The following CSGALNACT2 variants were observed in gnomAD, a reference collection of about 807,000 sequenced individuals.
CSGALNACT2 encodes the protein chondroitin sulfate N-acetylgalactosaminyltransferase 2.
Under a neutral mutation model 55.3 loss-of-function variants are expected in CSGALNACT2, and 35 were observed. The ratio of observed to expected loss-of-function variants is 0.63; its 90% CI spans 0.48 to 0.84. The LOEUF (loss-of-function observed/expected upper bound fraction) is 0.84. Among genes scored for constraint, CSGALNACT2 ranks in the 40% least tolerant of loss-of-function variants. CSGALNACT2 has a pLI of 0.00. For synonymous variants in CSGALNACT2, 196 were observed against 224.9 expected (o/e 0.87, Z 1.15); for missense variants, 544 against 657.5 (o/e 0.83, Z 1.89).
Position 43,140,099 on chromosome 10 carries a change from C to T in CSGALNACT2, c.-254+1532C>T, listed in dbSNP as rs1312139941. ...AGCCCAGCTACTTGGGAGGCTGAGG[C>T]GGGAGGTGGAGGTTGCAGTGAGCCG... On this transcript the variant is annotated intron_variant, in intron 1 of 7. Coordinates refer to ENST00000374466, the MANE Select transcript of CSGALNACT2 (RefSeq NM_018590.5). Among the ~76,000 whole-genome samples, 9 of 151,976 alleles carry T rather than the reference C, an allele frequency of 5.9e-5. No homozygotes were observed. In the South Asian group the frequency reaches 1.2e-3, roughly 21 times the overall value.
rs74135470 is a variant in CSGALNACT2 at position 43,139,478 on chromosome 10, C to T, written c.-254+911C>T. ...ACAGTTCCAACCAGTTTAGAAGCTG[C>T]ATTTTTCTCTTTGTTTTTGTCGAGG... On this transcript the variant is annotated intron_variant, in intron 1 of 7. Coordinates refer to ENST00000374466, the MANE Select transcript of CSGALNACT2 (RefSeq NM_018590.5). Among the ~76,000 whole-genome samples the T allele has an allele frequency of 7.9e-3, 1,209 of 152,318 alleles. 4 individuals carry two copies. Among genetic ancestry groups the T allele is most frequent in the Middle Eastern group, 0.048 (14 of 294 alleles).
In CSGALNACT2 at chr10:43,158,808, G is replaced by A. The variant is rs767994553; in HGVS notation, c.755G>A (p.Arg252His). 1.6e-5 allele frequency: 26 copies of A among 1,610,736 alleles called. No individual in the cohort carries two copies. Among genetic ancestry groups the A allele is most frequent in the South Asian group, 4.4e-5 (4 of 91,014 alleles). ...GAATATAGACATGTGACCCTCTTCCGCCCTTTTGGACCTCTCATGAAAGTG... is the reference window on the plus strand; with the variant it reads ...GAATATAGACATGTGACCCTCTTCCACCCTTTTGGACCTCTCATGAAAGTG... ...LTEYRHVTLF[R>H]PFGPLMKVKS... is the part of the protein sequence containing the mutation. The change falls in exon 3 of 8, where the codon CGC becomes CAC. Residue 252 changes from arginine (R) to histidine (H), a missense_variant. Transcript: ENST00000374466.
intron 1 of CSGALNACT2, among the ~76,000 whole-genome samples, chr10:43,145,008 T>TC (rs1183765928): frequency 6.6e-6 from 1 of 152,232 alleles, no homozygotes; most frequent in Non-Finnish European, 1.5e-5. Flanking sequence ...TAAGCAGTGT[T>TC]CCATTGTGTA....
chr10:43,180,252 C>T (rs1564522324), intron 7 of CSGALNACT2, among the ~76,000 whole-genome samples: 1 of 152,186 alleles, frequency 6.6e-6, no homozygotes, highest in Non-Finnish European at 1.5e-5. Flanking sequence ...ACATATGTTA[C>T]ATCTTTTGTA....
chr10:43,160,453 C>T, intron 3 of CSGALNACT2, 41 bp from the exon 4 acceptor site: 1 of 1,017,006 alleles, frequency 9.8e-7, no homozygotes, highest in Non-Finnish European at 1.5e-6. Context: ...AATAGTGCCT[C>T]ATGTTTTCTT....
intron 5 of CSGALNACT2, 135 bp downstream of exon 5, chr10:43,164,179 A>G: frequency 1.5e-6 from 1 of 658,332 alleles, no homozygotes; most frequent in South Asian, 2.7e-5. Context: ...TATTAGGCAT[A>G]ATTTAACTGG....
rs1192833773 is a variant in CSGALNACT2, at chr10:43,167,110, A to G, written c.1254+12A>G. Reference sequence around the variant, plus strand: ...TGGAGCAGCAGCTGGTGAGACTTTCACATTTTCAGTTATGAAAGACTCTAA... The same window carrying G: ...TGGAGCAGCAGCTGGTGAGACTTTCGCATTTTCAGTTATGAAAGACTCTAA... On this transcript the variant is annotated intron_variant, in intron 6 of 7. Coordinates refer to ENST00000374466, the MANE Select transcript of CSGALNACT2 (RefSeq NM_018590.5). 1.3e-6 allele frequency: 2 copies of G among 1,546,342 alleles called. No individual in the cohort carries two copies. The highest frequency in any genetic ancestry group is 3.4e-5 in the Admixed American group (2 of 59,584).
chr10:43,157,548 T>C (rs1839041312), intron 2 of CSGALNACT2, among the ~76,000 whole-genome samples: 1 of 152,210 alleles, frequency 6.6e-6, no homozygotes, highest in African/African-American at 2.4e-5. Context: ...TTGTCACCTG[T>C]ACATTCATAC....
rs1464542984 is a variant in CSGALNACT2, at chr10:43,158,800, CCT to C, written c.750_751del (p.Phe251ProfsTer12). 1 of 1,610,636 alleles carries C rather than the reference CCT, an allele frequency of 6.2e-7. No homozygotes were observed. The highest frequency in any genetic ancestry group is 1.3e-5 in the African/African-American group (1 of 74,792). On this transcript the variant is annotated frameshift_variant, in exon 3 of 8. Coordinates refer to ENST00000374466, the MANE Select transcript of CSGALNACT2 (RefSeq NM_018590.5). LOFTEE classifies it high-confidence loss of function. Reference sequence around the variant, plus strand: ...ACCTTACGGAATATAGACATGTGACCCTCTTCCGCCCTTTTGGACCTCTCATG... The same window carrying C: ...ACCTTACGGAATATAGACATGTGACCCTTCCGCCCTTTTGGACCTCTCATG... The part of the protein sequence containing the change: ...ADLTEYRHVT[L>X]FRPFGPLMKV...
intron 4 of CSGALNACT2, 115 bp downstream of exon 4, chr10:43,160,710 C>T (rs1053543119): frequency 4.6e-6 from 3 of 652,002 alleles, no homozygotes; most frequent in Non-Finnish European, 8.1e-6. Context: ...ATTGGCTGAG[C>T]ATGTGGGCGG....
Position 43,183,495 on chromosome 10 carries a change from C to T in CSGALNACT2, c.1582C>T (p.His528Tyr), listed in dbSNP as rs369417913. The part of the protein sequence containing the change: ...MLVFREEIET[H>Y]LHKQAYRTNS... ...GGTCTTCAGGGAGGAAATAGAGACG[C>T]ATCTTCATAAACAGGCATACAGGAC... Residue 528 changes from histidine (H) to tyrosine (Y), a missense_variant, in exon 8 of 8, where the codon CAT becomes TAT. His to Tyr is a moderately conservative substitution (Grantham distance 83). This residue lies in a region of CSGALNACT2 where 170 missense variants were observed against 256.2 expected (regional missense o/e 0.66). Coordinates refer to ENST00000374466, the MANE Select transcript of CSGALNACT2 (RefSeq NM_018590.5). 2.9e-5 allele frequency: 47 copies of T among 1,613,988 alleles called. No individual in the cohort carries two copies. The highest frequency in any genetic ancestry group is 3.7e-5 in the Non-Finnish European group (44 of 1,180,000).
At chr10:43,145,376 G>A (rs182927198) in intron 1 of CSGALNACT2, among the ~76,000 whole-genome samples, 99 of 149,456 alleles carry the variant, frequency 6.6e-4, no homozygotes, top group African/African-American at 2.3e-3. Context: ...TTAGTTGATG[G>A]CTTCTAATTG....
chr10:43,166,175 T>A (rs541970043), intron 5 of CSGALNACT2, among the ~76,000 whole-genome samples: 1 of 152,320 alleles, frequency 6.6e-6, no homozygotes, highest in Non-Finnish European at 1.5e-5. Flanking sequence ...GGAGACGTAT[T>A]TGCTTAGTTT....
chr10:43,152,227 A>G (rs1838891348), intron 1 of CSGALNACT2, among the ~76,000 whole-genome samples: 1 of 152,358 alleles, frequency 6.6e-6, no homozygotes, highest in East Asian at 1.9e-4. Flanking sequence ...TTCATGATAC[A>G]AACACATTTC....
chr10:43,176,931 A>G (rs1483631261), intron 7 of CSGALNACT2, among the ~76,000 whole-genome samples: 1 of 152,208 alleles, frequency 6.6e-6, no homozygotes, highest in Non-Finnish European at 1.5e-5. Flanking sequence ...AGCAGGCTGA[A>G]ACCTGATTCC....
At chr10:43,178,490 A>G (rs1375957860) in intron 7 of CSGALNACT2, among the ~76,000 whole-genome samples, 6 of 152,002 alleles carry the variant, frequency 3.9e-5, no homozygotes, top group Non-Finnish European at 7.4e-5. Context: ...GCGTGGTGGC[A>G]GGCGCCTGTA....
intron 6 of CSGALNACT2, among the ~76,000 whole-genome samples, chr10:43,173,664 A>T (rs563150908): frequency 1.3e-4 from 20 of 152,174 alleles, no homozygotes; most frequent in Non-Finnish European, 2.8e-4. Flanking sequence ...TTGCTTTTTA[A>T]TACTTTGTAT....
At position 43,155,154 on chromosome 10, in the gene CSGALNACT2, C is replaced by T. The variant is rs775867004; in HGVS notation, c.5C>T (p.Pro2Leu). The T allele has an allele frequency of 6.2e-7, 1 of 1,611,856 alleles. No homozygotes were observed. The highest frequency in any genetic ancestry group is 8.5e-7 in the Non-Finnish European group (1 of 1,178,192). ...GGCAAATACACATTAATAAGAATGC[C>T]TAGAAGAGGACTGATTCTTCACACC... M[P>L]RRGLILHTRT... The change falls in exon 2 of 8, where the codon CCT (proline) becomes CTT (leucine). Residue 2 changes from proline (P) to leucine (L), a missense_variant. Physicochemically the swap from Pro to Leu is moderately conservative, Grantham distance 98 (BLOSUM62 -3). Around this residue, in one of 2 missense-constraint regions of CSGALNACT2, gnomAD observed 374 missense variants for 401.3 expected, o/e 0.93. Coordinates refer to ENST00000374466, the MANE Select transcript of CSGALNACT2 (RefSeq NM_018590.5).
At chr10:43,149,321 G>A (rs1233640004) in intron 1 of CSGALNACT2, among the ~76,000 whole-genome samples, 10 of 152,088 alleles carry the variant, frequency 6.6e-5, no homozygotes, top group Admixed American at 1.3e-4. Context: ...TCCTGACCTC[G>A]TGGGATCTGC....
Sources: gnomAD v4.1 joint callset for allele counts (sites outside exome capture counted in the v4.1 genomes callset) on GRCh38, gnomAD v4.1.1 for gene constraint, gnomAD v4.1.1 regional missense constraint, MANE v1.5 for transcripts, NCBI Gene and HGNC (gene_info 2026-07-23, HGNC 2026-07-21) for gene names.